CGNL1: variants seen among roughly 807,000 people sequenced by gnomAD.
CGNL1 encodes cingulin-like protein 1.
CGNL1 carries 132 observed loss-of-function variants against 141.2 expected under a neutral mutation model. The ratio of observed to expected loss-of-function variants is 0.93; its 90% CI spans 0.81 to 1.08. The LOEUF is 1.08. CGNL1 is among the 50% of genes least tolerant of loss of function. CGNL1 has a pLI of 0.00. For missense variants in CGNL1, 1,870 were observed against 1,588.6 expected, an observed-to-expected ratio of 1.18 and a Z score of -3.01; for synonymous variants, 690 against 622.1, an observed-to-expected ratio of 1.11 and a Z score of -1.63.
intron 8 of CGNL1, among the ~76,000 whole-genome samples, chr15:57,516,475 G>C (rs981101587): frequency 1.3e-5 from 2 of 152,192 alleles, no homozygotes; most frequent in African/African-American, 4.8e-5. Flanking sequence ...AACATTTTAG[G>C]CTTTGTGACA....
intron 8 of CGNL1, among the ~76,000 whole-genome samples, chr15:57,492,387 G>T (rs1170441592): frequency 6.6e-6 from 1 of 152,188 alleles, no homozygotes; most frequent in Admixed American, 6.5e-5. Context: ...ACAGATTAAG[G>T]AGTGCTAGGT....
chr15:57,430,957 G>A (rs2063037639), intron 1 of CGNL1, among the ~76,000 whole-genome samples: 1 of 152,130 alleles, frequency 6.6e-6, no homozygotes. Context: ...CCTGGCCGCA[G>A]GTGATCAACC....
chr15:57,421,690 A>T (rs557696843), intron 1 of CGNL1, among the ~76,000 whole-genome samples: 14 of 152,146 alleles, frequency 9.2e-5, no homozygotes, highest in Non-Finnish European at 1.9e-4. Flanking sequence ...CACCCTGAGA[A>T]GGAAGTAGAG....
intron 8 of CGNL1, among the ~76,000 whole-genome samples, chr15:57,473,436 G>T (rs183092944): frequency 6.6e-6 from 1 of 152,192 alleles, no homozygotes. Context: ...ACCTACAGTG[G>T]CAAAGTTAAT....
intron 12 of CGNL1, among the ~76,000 whole-genome samples, chr15:57,526,878 A>G (rs1489076593): frequency 6.6e-6 from 1 of 152,038 alleles, no homozygotes; most frequent in Admixed American, 6.6e-5. Flanking sequence ...CACGCTGGGC[A>G]TTGGGAAGGG....
chr15:57,464,824 A>G (rs2063491952), intron 8 of CGNL1, among the ~76,000 whole-genome samples: 1 of 149,078 alleles, frequency 6.7e-6, no homozygotes, highest in Non-Finnish European at 1.5e-5. Context: ...GTCTTGGCTC[A>G]CTGCAGCCTA....
intron 1 of CGNL1, among the ~76,000 whole-genome samples, chr15:57,409,614 C>G (rs61998105): frequency 0.049 from 7,487 of 152,084 alleles, 234 homozygotes; most frequent in Non-Finnish European, 0.075. Context: ...AAATCACTAA[C>G]TGATGTTGTG....
intron 13 of CGNL1, among the ~76,000 whole-genome samples, chr15:57,531,316 A>G (rs1167376365): frequency 6.6e-6 from 1 of 152,112 alleles, no homozygotes; most frequent in East Asian, 1.9e-4. Flanking sequence ...TTTTTTCCAC[A>G]TTGTCTTTTA....
intron 8 of CGNL1, chr15:57,477,453 A>T (rs1346308486): frequency 6.6e-6 from 1 of 152,234 alleles, no homozygotes; most frequent in Non-Finnish European, 1.5e-5. Flanking sequence ...TTTGGAAAAT[A>T]GGCAGTGAGG....
chr15:57,468,242 T>TC (rs2063534937), intron 8 of CGNL1, among the ~76,000 whole-genome samples: 1 of 108,482 alleles, frequency 9.2e-6, no homozygotes, highest in African/African-American at 3.6e-5. Flanking sequence ...TTCTTTTTTT[T>TC]TTTTTTTTTT....
intron 10 of CGNL1, among the ~76,000 whole-genome samples, chr15:57,519,869 T>C (rs1854692114): frequency 6.6e-6 from 1 of 152,208 alleles, no homozygotes; most frequent in African/African-American, 2.4e-5. Flanking sequence ...CTCAGAACCT[T>C]TCCTTTGGTC....
intron 8 of CGNL1, among the ~76,000 whole-genome samples, chr15:57,515,151 A>T (rs1413840578): frequency 5.9e-5 from 9 of 152,138 alleles, no homozygotes; most frequent in African/African-American, 1.9e-4. Context: ...TTTTTGTGAC[A>T]TGTCCTCTTG....
intron 12 of CGNL1, 129 bp from the exon 13 acceptor site, chr15:57,528,525 T>C: frequency 1.1e-6 from 1 of 902,408 alleles, no homozygotes; most frequent in South Asian, 1.7e-5. Flanking sequence ...GCTCAAGGTC[T>C]TCTGATCTCC....
rs182977617 is a variant in CGNL1 at position 57,547,500 on chromosome 15, C to T, written c.*10C>T. Reference sequence around the variant, plus strand: ...CGCCAGCCAGATCTGAGTGCTCTCCCGGGCTGTGGAAGTACCTGTCATTCC... The same window carrying T: ...CGCCAGCCAGATCTGAGTGCTCTCCTGGGCTGTGGAAGTACCTGTCATTCC... On this transcript the variant is annotated 3_prime_UTR_variant, in exon 19 of 19. Coordinates refer to ENST00000281282, the MANE Select transcript of CGNL1 (RefSeq NM_032866.5). 3.4e-5 allele frequency: 54 copies of T among 1,610,832 alleles called. No homozygotes were observed. The highest frequency in any genetic ancestry group is 5.0e-5 in the Admixed American group (3 of 59,470).
intron 1 of CGNL1, among the ~76,000 whole-genome samples, chr15:57,389,983 T>C (rs1464674806): frequency 1.3e-5 from 2 of 152,096 alleles, no homozygotes; most frequent in East Asian, 3.9e-4. Flanking sequence ...ACCCAGCTAA[T>C]TGTTATATTT....
chr15:57,490,350 A>G (rs2063841663), intron 8 of CGNL1, among the ~76,000 whole-genome samples: 1 of 152,098 alleles, frequency 6.6e-6, no homozygotes, highest in Admixed American at 6.5e-5. Context: ...TAGAAACCAC[A>G]TTATAAAAAC....
chr15:57,496,221 G>A (rs540669073), intron 8 of CGNL1, among the ~76,000 whole-genome samples: 1 of 152,106 alleles, frequency 6.6e-6, no homozygotes, highest in East Asian at 1.9e-4. Context: ...AAACCAAAAC[G>A]TGACTGTTTC....
intron 1 of CGNL1, among the ~76,000 whole-genome samples, chr15:57,378,914 C>T (rs2062396121): frequency 6.6e-6 from 1 of 152,204 alleles, no homozygotes; most frequent in African/African-American, 2.4e-5. Context: ...CCTGTGGGAG[C>T]CGTCTTCATT....
intron 4 of CGNL1, among the ~76,000 whole-genome samples, 193 bp downstream of exon 4, chr15:57,442,671 T>A (rs1305240353): frequency 6.6e-6 from 1 of 152,074 alleles, no homozygotes; most frequent in African/African-American, 2.4e-5. Flanking sequence ...CTGGCTGGAG[T>A]GTAGTGGTAT....
Sources: gnomAD v4.1 joint callset for allele counts (sites outside exome capture counted in the v4.1 genomes callset) on GRCh38, gnomAD v4.1.1 for gene constraint, MANE v1.5 for transcripts, NCBI Gene and HGNC (gene_info 2026-07-23, HGNC 2026-07-21) for gene names.